DNAH14: variants seen among roughly 807,000 people sequenced by gnomAD.
The protein encoded by DNAH14 is axonemal beta dynein heavy chain 14.
Under a neutral mutation model 520.9 loss-of-function variants are expected in DNAH14, and 478 were observed. The ratio of observed to expected loss-of-function variants is 0.92; its 90% CI spans 0.85 to 0.99. The LOEUF is 0.99. Ranked by LOEUF, DNAH14 falls within the 50% of genes least tolerant of loss-of-function variation. DNAH14 has a pLI of 0.00. For synonymous variants in DNAH14, 1,581 were observed against 1,757.2 expected (o/e 0.90, Z 2.51); for missense variants, 4,831 against 5,234.5 (o/e 0.92, Z 2.38).
intron 38 of DNAH14, among the ~76,000 whole-genome samples, chr1:225,199,738 A>G (rs1187089890): frequency 6.6e-6 from 1 of 152,038 alleles, no homozygotes; most frequent in Non-Finnish European, 1.5e-5. Context: ...ATCTATTGAG[A>G]CTTGTTTTGT....
intron 41 of DNAH14, among the ~76,000 whole-genome samples, chr1:225,214,044 T>C (rs1421491237): frequency 6.6e-6 from 1 of 152,200 alleles, no homozygotes; most frequent in African/African-American, 2.4e-5. Context: ...GGCTATGGGT[T>C]TGTCATAAAT....
chr1:225,104,818 G>C (rs2075868889), intron 23 of DNAH14, among the ~76,000 whole-genome samples: 1 of 151,650 alleles, frequency 6.6e-6, no homozygotes, highest in South Asian at 2.1e-4. Flanking sequence ...CAATTTTGTT[G>C]ATCTTTTCAA....
At chr1:225,348,628 G>T (rs1364869800) in intron 71 of DNAH14, among the ~76,000 whole-genome samples, 1 of 152,098 alleles carries the variant, frequency 6.6e-6, no homozygotes, top group Non-Finnish European at 1.5e-5. Flanking sequence ...TGTCAAAACT[G>T]CCCTTCAAAA....
At chr1:225,079,671 T>TA in intron 18 of DNAH14, 123 bp downstream of exon 18, 84 of 561,712 alleles carry the variant, frequency 1.5e-4, no homozygotes, top group Non-Finnish European at 1.9e-4. Flanking sequence ...ATACAAGTAT[T>TA]CTTTTTTTTT....
At chr1:225,139,085 T>A (rs80047233) in intron 27 of DNAH14, among the ~76,000 whole-genome samples, 10,521 of 152,258 alleles carry the variant, frequency 0.069, 585 homozygotes, top group East Asian at 0.24. Flanking sequence ...TAAAATAACC[T>A]TGGATTGTGG....
chr1:225,303,201 G>C lies in DNAH14; in HGVS notation c.8677G>C (p.Gly2893Arg). ...TATTTTTGTGATCATGAGTCCTGAA[G>C]GACCTAGCTTCCGCCAAAATTGTAG... Reference protein sequence around the residue: ...LHIFVIMSPEGPSFRQNCRVY... With the variant: ...LHIFVIMSPERPSFRQNCRVY... Residue 2893 changes from glycine (G) to arginine (R), a missense_variant, in exon 57 of 86, where the codon GGA (glycine) becomes CGA (arginine). Transcript: ENST00000682510. 6.5e-7 allele frequency: 1 copy of C among 1,532,960 alleles called. No individual in the cohort carries two copies. The highest frequency in any genetic ancestry group is 8.8e-7 in the Non-Finnish European group (1 of 1,140,000). 95.0% of individuals were successfully genotyped at this position (1,532,960 alleles called of 1,614,324 possible).
At chr1:225,279,713 T>C (rs568068525) in intron 54 of DNAH14, among the ~76,000 whole-genome samples, 13 of 152,220 alleles carry the variant, frequency 8.5e-5, no homozygotes, top group South Asian at 8.3e-4. Flanking sequence ...GATTATTGCA[T>C]ACAATCTGTC....
chr1:225,334,318 G>C (rs559988976), intron 66 of DNAH14, among the ~76,000 whole-genome samples: 2 of 151,968 alleles, frequency 1.3e-5, no homozygotes, highest in Non-Finnish European at 2.9e-5. Flanking sequence ...TAGCAAGACC[G>C]TGTCTAAAAA....
At chr1:225,074,788 C>T (rs760519655) in intron 17 of DNAH14, among the ~76,000 whole-genome samples, 6 of 152,196 alleles carry the variant, frequency 3.9e-5, no homozygotes, top group Non-Finnish European at 8.8e-5. Flanking sequence ...GCTAAGTTGC[C>T]CAAACAGCAA....
chr1:225,184,382 G>A (rs2084414855), intron 36 of DNAH14, among the ~76,000 whole-genome samples: 1 of 152,178 alleles, frequency 6.6e-6, no homozygotes, highest in South Asian at 2.1e-4. Context: ...GACTTTGGGA[G>A]GCAGAGGTGA....
chr1:224,951,564 C>T (rs1179784977), intron 1 of DNAH14, among the ~76,000 whole-genome samples: 1 of 151,772 alleles, frequency 6.6e-6, no homozygotes, highest in African/African-American at 2.4e-5. Flanking sequence ...TCTTTCTGCA[C>T]CCTGAGTCTC....
chr1:224,932,270 A>G (rs1462184219), intron 1 of DNAH14, among the ~76,000 whole-genome samples: 12 of 151,998 alleles, frequency 7.9e-5, no homozygotes, highest in African/African-American at 2.4e-4. Flanking sequence ...AGAAATGTCT[A>G]TGCTTGTCCT....
At chr1:225,337,927 C>A in intron 67 of DNAH14, 134 bp from the exon 68 acceptor site, 1 of 784,284 alleles carries the variant, frequency 1.3e-6, no homozygotes, top group South Asian at 2.2e-5. Flanking sequence ...CTATAGTCAC[C>A]CTGTTGTACT....
intron 56 of DNAH14, among the ~76,000 whole-genome samples, chr1:225,301,428 G>T (rs1224406577): frequency 6.6e-6 from 1 of 152,134 alleles, no homozygotes; most frequent in Non-Finnish European, 1.5e-5. Context: ...TCATCCTTTT[G>T]AATAGTCCTA....
intron 54 of DNAH14, among the ~76,000 whole-genome samples, chr1:225,284,569 A>C (rs2149948444): frequency 6.6e-6 from 1 of 152,316 alleles, no homozygotes; most frequent in African/African-American, 2.4e-5. Context: ...TCTAAGGAAG[A>C]ATTAACACCA....
intron 81 of DNAH14, among the ~76,000 whole-genome samples, chr1:225,385,318 C>A (rs1333123254): frequency 2.6e-5 from 4 of 152,170 alleles, no homozygotes; most frequent in African/African-American, 9.7e-5. Flanking sequence ...AAAACTGGCA[C>A]AAGACAGGGA....
chr1:225,310,909 C>T (rs970002444), intron 60 of DNAH14, among the ~76,000 whole-genome samples: 5 of 152,092 alleles, frequency 3.3e-5, no homozygotes, highest in Non-Finnish European at 7.4e-5. Context: ...AATAAACATA[C>T]GTGTGCATGT....
At chr1:225,173,732 C>T (rs1020960485) in intron 36 of DNAH14, among the ~76,000 whole-genome samples, 4 of 152,148 alleles carry the variant, frequency 2.6e-5, no homozygotes, top group African/African-American at 4.8e-5. Flanking sequence ...ACTAGAAATA[C>T]CATTTGACCC....
intron 43 of DNAH14, among the ~76,000 whole-genome samples, chr1:225,250,432 G>C (rs2092491359): frequency 6.6e-6 from 1 of 152,196 alleles, no homozygotes. Context: ...TGTACAGACT[G>C]TAAGCTAAGA....
Sources: allele counts gnomAD v4.1 joint callset (sites outside exome capture counted in the v4.1 genomes callset), GRCh38; gene constraint gnomAD v4.1.1; transcripts MANE v1.5; gene names NCBI Gene and HGNC (gene_info 2026-07-23, HGNC 2026-07-21).